The following KCNK2 variants were observed in gnomAD, a reference collection of about 807,000 sequenced individuals.
KCNK2 encodes the protein potassium channel subfamily K member 2.
A neutral mutation model predicts 40.5 loss-of-function variants in KCNK2; 21 were observed. The ratio of observed to expected loss-of-function variants is 0.52; its 90% CI spans 0.37 to 0.75. The LOEUF (loss-of-function observed/expected upper bound fraction) is 0.75. Among genes scored for constraint, KCNK2 ranks in the 30% least tolerant of loss-of-function variants. The probability of loss-of-function intolerance (pLI) is 0.00; values close to 1 mark genes in which losing one functional copy is unlikely to be tolerated. For missense variants in KCNK2, 399 were observed against 531.6 expected (o/e 0.75, Z 2.45); for synonymous variants, 191 against 202.2 (o/e 0.94, Z 0.47).
chr1:215,161,356 A>G, intron 3 of KCNK2, among the ~76,000 whole-genome samples: 1 of 151,230 alleles, frequency 6.6e-6, no homozygotes, highest in Non-Finnish European at 1.5e-5. Flanking sequence ...CTTATCATGA[A>G]CCCTACTTAT....
At chr1:215,198,416 G>A (rs1401334540) in intron 6 of KCNK2, among the ~76,000 whole-genome samples, 1 of 152,154 alleles carries the variant, frequency 6.6e-6, no homozygotes, top group Non-Finnish European at 1.5e-5. Context: ...AGAATGTGAA[G>A]AAAGACAGGG....
Position 215,236,559 on chromosome 1 carries a change from G to C in KCNK2, c.*1414G>C, listed in dbSNP as rs1571764953. On this transcript the variant is annotated 3_prime_UTR_variant, in exon 7 of 7. Coordinates refer to ENST00000444842, the MANE Select transcript of KCNK2 (RefSeq NM_001017425.3). ...TAAAAGAGGCTGATTATTCTTTTTA[G>C]TTTAATTTTATATCCTGTAATTCTT... is the stretch of plus-strand genomic sequence containing the variant. The C allele has an allele frequency of 2.0e-5, 3 of 152,370 alleles. No homozygotes were observed. The highest frequency in any genetic ancestry group is 2.0e-4 in the Admixed American group (3 of 15,246). 9.4% of individuals were successfully genotyped at this position (152,370 alleles called of 1,614,324 possible). A position where few individuals can be genotyped will look rare whatever the true frequency, so the allele number is the denominator to read the frequency against.
chr1:215,083,213 C>CCG lies in KCNK2; in HGVS notation c.-173_-172insCG. On this transcript the variant is annotated 5_prime_UTR_variant, in exon 1 of 7. Coordinates refer to ENST00000444842, the MANE Select transcript of KCNK2 (RefSeq NM_001017425.3). ...TCACGCTCCCCCCCCCGCCCCCTCC[C>CCG]GCGTCCAGCCCCGCTCTCCCCACCT... 1 of 1,393,884 alleles carries CCG rather than the reference C, an allele frequency of 7.2e-7. No individual in the cohort carries two copies. Among genetic ancestry groups the CCG allele is most frequent in the Non-Finnish European group, 9.8e-7 (1 of 1,021,670 alleles). The allele number at this position is 1,393,884 out of a possible 1,614,324, so 86.3% of individuals were successfully genotyped here. A position where few individuals can be genotyped will look rare whatever the true frequency, so the allele number is the denominator to read the frequency against.
At chr1:215,084,607 T>C (rs6540883) in intron 1 of KCNK2, among the ~76,000 whole-genome samples, 114,156 of 152,106 alleles carry the variant, frequency 0.75, 43,289 homozygotes, top group Non-Finnish European at 0.77. Flanking sequence ...CAGTTTTTTT[T>C]AATTATAGCA....
At chr1:215,207,569 C>T (rs1178010742) in intron 6 of KCNK2, among the ~76,000 whole-genome samples, 2 of 152,164 alleles carry the variant, frequency 1.3e-5, no homozygotes, top group African/African-American at 4.8e-5. Context: ...GAATGGTGGA[C>T]AGGTACTTGA....
At chr1:215,148,276 C>T (rs1046003387) in intron 3 of KCNK2, among the ~76,000 whole-genome samples, 4 of 151,124 alleles carry the variant, frequency 2.6e-5, no homozygotes, top group African/African-American at 7.3e-5. Context: ...GGTTTCTCCA[C>T]GTTGCCCAGG....
At chr1:215,191,571 G>T (rs1028657743) in intron 5 of KCNK2, among the ~76,000 whole-genome samples, 6 of 152,092 alleles carry the variant, frequency 3.9e-5, no homozygotes, top group African/African-American at 1.4e-4. Flanking sequence ...AAGAGATCCG[G>T]AGAGAGATTA....
intron 2 of KCNK2, among the ~76,000 whole-genome samples, chr1:215,098,840 G>C (rs996581558): frequency 6.6e-6 from 1 of 151,890 alleles, no homozygotes; most frequent in African/African-American, 2.4e-5. Flanking sequence ...GATTGGTAGA[G>C]GATGGTTTCT....
At chr1:215,117,810 T>A (rs945981804) in intron 2 of KCNK2, among the ~76,000 whole-genome samples, 5 of 152,104 alleles carry the variant, frequency 3.3e-5, no homozygotes, top group Non-Finnish European at 5.9e-5. Context: ...CATACTTTAG[T>A]TTCCAGAATA....
chr1:215,143,055 G>A (rs1283404260), intron 3 of KCNK2, among the ~76,000 whole-genome samples: 1 of 152,164 alleles, frequency 6.6e-6, no homozygotes, highest in Non-Finnish European at 1.5e-5. Context: ...ATGAGAAAGT[G>A]TGTAGGAAAC....
intron 6 of KCNK2, among the ~76,000 whole-genome samples, chr1:215,232,786 G>A (rs964162247): frequency 1.3e-5 from 2 of 152,202 alleles, no homozygotes; most frequent in African/African-American, 4.8e-5. Context: ...GTTCATGAAA[G>A]ACTGGCTGTG....
chr1:215,064,005 A>G (rs1658450045), intron 1 of KCNK2, among the ~76,000 whole-genome samples: 1 of 152,206 alleles, frequency 6.6e-6, no homozygotes, highest in Non-Finnish European at 1.5e-5. Context: ...TCGCTTGAGT[A>G]GAGTTTAAAC....
chr1:215,093,028 A>C (rs1377467729), intron 2 of KCNK2, among the ~76,000 whole-genome samples: 5 of 152,094 alleles, frequency 3.3e-5, no homozygotes, highest in Non-Finnish European at 7.4e-5. Flanking sequence ...ATGAGTTTGG[A>C]GTTTGCGGGA....
upstream of KCNK2, among the ~76,000 whole-genome samples, chr1:215,077,997 T>G (rs1659008008): frequency 6.6e-6 from 1 of 150,832 alleles, no homozygotes. Flanking sequence ...GAAGATTAAA[T>G]AAGTGGCAAG....
chr1:215,163,358 C>G (rs1378036097), intron 3 of KCNK2, among the ~76,000 whole-genome samples: 2 of 152,170 alleles, frequency 1.3e-5, no homozygotes, highest in Non-Finnish European at 2.9e-5. Flanking sequence ...ATCACGTGAT[C>G]TGCAAACAGA....
intron 3 of KCNK2, among the ~76,000 whole-genome samples, chr1:215,152,417 G>A (rs796093882): frequency 1.2e-4 from 19 of 152,062 alleles, no homozygotes; most frequent in African/African-American, 4.6e-4. Flanking sequence ...AAATTATACT[G>A]TCCCAGCTAT....
At chr1:215,014,462 A>G (rs1345392147) in intron 1 of KCNK2, among the ~76,000 whole-genome samples, 1 of 151,838 alleles carries the variant, frequency 6.6e-6, no homozygotes, top group Non-Finnish European at 1.5e-5. Flanking sequence ...CTCAGAATAT[A>G]CTGATGGTAT....
chr1:215,220,819 A>G (rs17024500), intron 6 of KCNK2, among the ~76,000 whole-genome samples: 70,298 of 151,694 alleles, frequency 0.46, 17,033 homozygotes, highest in South Asian at 0.65. Flanking sequence ...AATGACTTAA[A>G]GTTGCAGTCC....
chr1:215,212,212 A>G (rs543997448), intron 6 of KCNK2, among the ~76,000 whole-genome samples: 3 of 152,072 alleles, frequency 2.0e-5, no homozygotes, highest in Non-Finnish European at 4.4e-5. Context: ...GCTTTTTTGC[A>G]TGTTTAATAC....
Sources: allele counts gnomAD v4.1 joint callset (sites outside exome capture counted in the v4.1 genomes callset), GRCh38; gene constraint gnomAD v4.1.1; transcripts MANE v1.5; gene names NCBI Gene and HGNC (gene_info 2026-07-23, HGNC 2026-07-21).